PLOD3: variants seen among roughly 807,000 people sequenced by gnomAD.
The protein encoded by PLOD3 is procollagen-lysine,2-oxoglutarate 5-dioxygenase 3.
A neutral mutation model predicts 96.9 loss-of-function variants in PLOD3; 73 were observed. That is an observed-to-expected ratio of 0.75 (90% CI 0.62 to 0.92). The LOEUF is 0.92. Ranked by LOEUF, PLOD3 falls within the 40% of genes least tolerant of loss-of-function variation. PLOD3 has a pLI of 0.00. For missense variants in PLOD3, 1,004 were observed against 1,004.3 expected, an observed-to-expected ratio of 1.00 and a Z score of 0.00; for synonymous variants, 454 against 413.7, an observed-to-expected ratio of 1.10 and a Z score of -1.18.
rs764437988 is a variant in PLOD3 at position 101,211,942 on chromosome 7, C to G, written c.1136G>C (p.Cys379Ser). ...GEARDMAMDL[C>S]RQDPECEFYF... is the part of the protein sequence containing the mutation. ...GAACTCACACTCGGGGTCCTGCCGA[C>G]ACAGGTCCCTGGAGGTGAGAGGCGA... Residue 379 changes from cysteine to serine, a missense_variant, in exon 11 of 19, where the codon TGT becomes TCT. By Grantham distance (112) the Cys-to-Ser change is moderately radical. Coordinates refer to ENST00000223127, the MANE Select transcript of PLOD3 (RefSeq NM_001084.5). 1.9e-5 allele frequency: 30 copies of G among 1,603,490 alleles called. No individual in the cohort carries two copies. Among genetic ancestry groups the G allele is most frequent in the Non-Finnish European group, 2.5e-5 (29 of 1,175,364 alleles).
At chr7:101,210,284 C>T in intron 14 of PLOD3, 47 bp downstream of exon 14, 1 of 1,555,658 alleles carries the variant, frequency 6.4e-7, no homozygotes, top group Non-Finnish European at 8.8e-7. Context: ...TCTTCCTTAG[C>T]ACAAGGCGGG....
Position 101,215,071 on chromosome 7 carries a change from G to C in PLOD3, c.679+18C>G. On this transcript the variant is annotated intron_variant, in intron 6 of 18. Transcript: ENST00000223127. ...CAGAGGCTGCGCATCGCCCACCTGC[G>C]GCTGTCTTCCTCCTCACCTAAAGCC... 1 of 1,596,666 alleles carries C rather than the reference G, an allele frequency of 6.3e-7. No individual in the cohort carries two copies. The highest frequency in any genetic ancestry group is 8.6e-7 in the Non-Finnish European group (1 of 1,164,008).
chr7:101,207,157 G>T (rs544541726), intron 17 of PLOD3, among the ~76,000 whole-genome samples: 1 of 152,116 alleles, frequency 6.6e-6, no homozygotes, highest in East Asian at 1.9e-4. Flanking sequence ...TGTATTTTTA[G>T]TAGAGACGAG....
In PLOD3 at chr7:101,207,682, CCACGGTGGG is replaced by C; in HGVS notation, c.1822_1830del (p.Pro608_Val610del). On this transcript the variant is annotated inframe_deletion, in exon 17 of 19. Coordinates refer to ENST00000223127, the MANE Select transcript of PLOD3 (RefSeq NM_001084.5). Reference sequence around the variant, plus strand: ...TACCCCACCTGCTTCATGTGGATGTCCACGGTGGGCACATTCTCGTAGCCTCCAGCCAGC... The same window carrying C: ...TACCCCACCTGCTTCATGTGGATGTCCACATTCTCGTAGCCTCCAGCCAGC... The C allele has an allele frequency of 1.2e-6, 2 of 1,613,962 alleles. No individual in the cohort carries two copies. The highest frequency in any genetic ancestry group is 2.7e-5 in the African/African-American group (2 of 74,984).
Position 101,210,680 on chromosome 7 carries a change from G to A in PLOD3, c.1359-7C>T. The stretch of plus-strand genomic sequence containing the variant: ...TGGTACATTCCACACACCCCTGGAG[G>A]CACCGACACCGCGGTCAGCTGGGAG... On this transcript the variant is annotated splice_polypyrimidine_tract_variant and splice_region_variant and intron_variant, in intron 12 of 18. Transcript: ENST00000223127. 1 of 1,613,316 alleles carries A rather than the reference G, an allele frequency of 6.2e-7. No homozygotes were observed. The highest frequency in any genetic ancestry group is 8.5e-7 in the Non-Finnish European group (1 of 1,179,620).
Position 101,216,476 on chromosome 7 carries a change from C to T in PLOD3, c.272G>A (p.Arg91Gln), listed in dbSNP as rs527996901. 9 of 1,614,080 alleles carry T rather than the reference C, an allele frequency of 5.6e-6. No individual in the cohort carries two copies. The highest frequency in any genetic ancestry group is 4.5e-5 in the East Asian group (2 of 44,874). The change falls in exon 3 of 19, where the codon CGG (arginine) becomes CAG (glutamine). Residue 91 changes from arginine (R) to glutamine (Q), a missense_variant. Arg to Gln is a conservative substitution (Grantham distance 43, BLOSUM62 1). Coordinates refer to ENST00000223127, the MANE Select transcript of PLOD3 (RefSeq NM_001084.5). Reference protein sequence around the residue: ...ARTVGGGQKVRWLKKEMEKYA... With the variant: ...ARTVGGGQKVQWLKKEMEKYA... ...TTTCTCCATTTCCTTCTTTAACCAC[C>T]GGACCTTCTGTCCTCCACCAACTGT...
At position 101,211,886 on chromosome 7, in the gene PLOD3, T is replaced by C; in HGVS notation, c.1192A>G (p.Thr398Ala). The change falls in exon 11 of 19, where the codon ACC becomes GCC. Residue 398 changes from threonine to alanine, a missense_variant. Physicochemically the swap from Thr to Ala is moderately conservative, Grantham distance 58. Coordinates refer to ENST00000223127, the MANE Select transcript of PLOD3 (RefSeq NM_001084.5). ...YFSLDADAVL[T>A]NLQTLRILIE... ...AGGATACGCAGGGTCTGCAGGTTGG[T>C]GAGGACAGCGTCGGCGTCCAGGCTG... 6.2e-7 allele frequency: 1 copy of C among 1,612,686 alleles called. No individual in the cohort carries two copies. The highest frequency in any genetic ancestry group is 8.5e-7 in the Non-Finnish European group (1 of 1,179,534).
At position 101,207,603 on chromosome 7, in the gene PLOD3, C is replaced by G. The variant is rs755547790; in HGVS notation, c.1910G>C (p.Ser637Thr). ...LRTYVGPMTE[S>T]LFPGYHTKAR... ...CTTGGTGTGGTAACCGGGAAACAGGCTCTCGGTCATGGGGCCCACATACGT... is the reference window on the plus strand; with the variant it reads ...CTTGGTGTGGTAACCGGGAAACAGGGTCTCGGTCATGGGGCCCACATACGT... The change falls in exon 17 of 19, where the codon AGC (serine) becomes ACC (threonine). Residue 637 changes from serine (S) to threonine (T), a missense_variant. Transcript: ENST00000223127. The G allele has an allele frequency of 1.4e-5, 23 of 1,613,940 alleles. No individual in the cohort carries two copies. Among genetic ancestry groups the G allele is most frequent in the Non-Finnish European group, 1.9e-5 (23 of 1,179,970 alleles).
At chr7:101,209,362 A>G (rs937045300) in intron 15 of PLOD3, among the ~76,000 whole-genome samples, 1 of 151,560 alleles carries the variant, frequency 6.6e-6, no homozygotes, top group Admixed American at 6.6e-5. Flanking sequence ...ACATGCCACC[A>G]TGCCAAGCTA....
In PLOD3 at chr7:101,207,542, G is replaced by A. The variant is rs183799285; in HGVS notation, c.1935+36C>T. On this transcript the variant is annotated intron_variant, in intron 17 of 18. Transcript: ENST00000223127. ...ACTTCCTGTCCGGGACTGGGGTGGGGAAGGTGGGGAGGCAGCTGGCAGGTG... is the reference window on the plus strand; with the variant it reads ...ACTTCCTGTCCGGGACTGGGGTGGGAAAGGTGGGGAGGCAGCTGGCAGGTG... The A allele has an allele frequency of 5.2e-4, 839 of 1,607,164 alleles. 3 individuals carry two copies. In the African/African-American group the frequency reaches 9.7e-3, roughly 19 times the overall value.
chr7:101,206,214 C>G lies in PLOD3; in HGVS notation c.*67G>C. ...GACAGAGAGACCCATCCCCCAACTC[C>G]CAGGACGGGGGCCAGGCCCCCTAAA... is the stretch of plus-strand genomic sequence containing the variant. On this transcript the variant is annotated 3_prime_UTR_variant, in exon 19 of 19. Coordinates refer to ENST00000223127, the MANE Select transcript of PLOD3 (RefSeq NM_001084.5). The G allele has an allele frequency of 6.5e-7, 1 of 1,531,552 alleles. No individual in the cohort carries two copies. Among genetic ancestry groups the G allele is most frequent in the Non-Finnish European group, 9.0e-7 (1 of 1,105,208 alleles). The allele number at this position is 1,531,552 out of a possible 1,614,324, so 94.9% of individuals were successfully genotyped here. A position where few individuals can be genotyped will look rare whatever the true frequency, so the allele number is the denominator to read the frequency against.
chr7:101,207,061 T>C (rs1798098374), intron 17 of PLOD3, among the ~76,000 whole-genome samples, 157 bp from the exon 18 acceptor site: 1 of 152,086 alleles, frequency 6.6e-6, no homozygotes, highest in African/African-American at 2.4e-5. Flanking sequence ...CTGCAACCTC[T>C]GCCTCCCGGT....
At chr7:101,209,892 T>A (rs1468358) in intron 15 of PLOD3, 9 of 575,020 alleles carry the variant, frequency 1.6e-5, no homozygotes, top group Admixed American at 3.1e-5. Context: ...ATACCCAATA[T>A]ACAGGAGAAG....
chr7:101,207,660 C>A lies in PLOD3; in HGVS notation c.1853G>T (p.Gly618Val). ...PTVDIHMKQV[G>V]YEDQWLQLLR... ...CAGCTGCAGCCACTGGTCCTCGTAC[C>A]CCACCTGCTTCATGTGGATGTCCAC... The change falls in exon 17 of 19, where the codon GGG becomes GTG. Residue 618 changes from glycine to valine, a missense_variant. Coordinates refer to ENST00000223127, the MANE Select transcript of PLOD3 (RefSeq NM_001084.5). 1 of 1,613,904 alleles carries A rather than the reference C, an allele frequency of 6.2e-7. No individual in the cohort carries two copies. Among genetic ancestry groups the A allele is most frequent in the Non-Finnish European group, 8.5e-7 (1 of 1,179,898 alleles).
chr7:101,213,047 G>T, intron 7 of PLOD3, 60 bp downstream of exon 7: 1 of 1,368,868 alleles, frequency 7.3e-7, no homozygotes, highest in Non-Finnish European at 1.0e-6. Context: ...TTCTCAGAAG[G>T]GTTGGAGGTG....
chr7:101,217,251 G>C lies in PLOD3; in HGVS notation c.24C>G (p.Pro8=). The change falls in exon 1 of 19, where the codon CCC becomes CCG. Residue 8 remains proline (P), a synonymous_variant. Coordinates refer to ENST00000223127, the MANE Select transcript of PLOD3 (RefSeq NM_001084.5). ...GCAGCGGCAGCAGCAGCAGGAACCGGGGTCCAGGCCCCGAGGAGGTCATGG... is the reference window on the plus strand; with the variant it reads ...GCAGCGGCAGCAGCAGCAGGAACCGCGGTCCAGGCCCCGAGGAGGTCATGG... The part of the protein sequence containing the change: MTSSGPG[P]RFLLLLPLLL... The C allele has an allele frequency of 2.0e-6, 3 of 1,496,390 alleles. No homozygotes were observed. Among genetic ancestry groups the C allele is most frequent in the Non-Finnish European group, 8.9e-7 (1 of 1,125,096 alleles). 92.7% of individuals were successfully genotyped at this position (1,496,390 alleles called of 1,614,324 possible).
At chr7:101,213,497 T>G in intron 6 of PLOD3, 2 of 411,166 alleles carry the variant, frequency 4.9e-6, no homozygotes, top group Non-Finnish European at 8.8e-6. Context: ...TCATATTCTC[T>G]CTCTCCTTGT....
intron 2 of PLOD3, 27 bp downstream of exon 2, chr7:101,216,668 C>G (rs1184373588): frequency 5.6e-6 from 9 of 1,608,176 alleles, no homozygotes; most frequent in East Asian, 4.5e-5. Flanking sequence ...CTGGGACCCC[C>G]TCCCAGGGGC....
At chr7:101,217,074 A>G in intron 1 of PLOD3, 92 bp downstream of exon 1, 1 of 1,318,018 alleles carries the variant, frequency 7.6e-7, no homozygotes, top group Non-Finnish European at 1.0e-6. Flanking sequence ...CGGGCCAGAC[A>G]CCTCCTCGAG....
Sources: allele counts gnomAD v4.1 joint callset (sites outside exome capture counted in the v4.1 genomes callset), GRCh38; gene constraint gnomAD v4.1.1; transcripts MANE v1.5; gene names NCBI Gene and HGNC (gene_info 2026-07-23, HGNC 2026-07-21).